Variants in DNAH6 observed in about 807,000 individuals in gnomAD.
DNAH6 encodes the protein axonemal beta dynein heavy chain 6.
In DNAH6, 340 loss-of-function variants were observed where a neutral mutation model predicts 491.4. That is an observed-to-expected ratio of 0.69 (90% confidence interval 0.63 to 0.76). The LOEUF is 0.76. Ranked by LOEUF, DNAH6 falls within the 30% of genes least tolerant of loss-of-function variation. The probability of loss-of-function intolerance (pLI) is 0.00; values close to 1 mark genes in which losing one functional copy is unlikely to be tolerated. For synonymous variants in DNAH6, 1,603 were observed against 1,686.1 expected (o/e 0.95, Z 1.21); for missense variants, 4,443 against 4,972.2 (o/e 0.89, Z 3.20).
chr2:84,646,504 A>T lies in DNAH6; in HGVS notation c.5078+4450A>T, dbSNP rs115739400. Among the ~76,000 whole-genome samples the T allele has an allele frequency of 5.3e-3, 807 of 152,344 alleles. 9 individuals carry two copies. The highest frequency in any genetic ancestry group is 0.018 in the African/African-American group (768 of 41,582). ...CTGAAAGCTAGGCCTCTTGTGCCAA[A>T]TAGCCTAATTGTGAATGCAAAGGAA... On this transcript the variant is annotated intron_variant, in intron 33 of 76. Transcript: ENST00000389394.
At chr2:84,742,890 T>G (rs1672651638) in intron 62 of DNAH6, among the ~76,000 whole-genome samples, 1 of 152,208 alleles carries the variant, frequency 6.6e-6, no homozygotes. Flanking sequence ...TAACCAGAAT[T>G]TCTAAGATCC....
intron 19 of DNAH6, 126 bp downstream of exon 19, chr2:84,604,677 C>G: frequency 8.5e-6 from 6 of 702,754 alleles, no homozygotes; most frequent in Non-Finnish European, 9.3e-6. Context: ...TCAGTCATCC[C>G]TCTGTTGTTT....
In DNAH6 at chr2:84,694,554, G is replaced by A; in HGVS notation, c.7524+74G>A. On this transcript the variant is annotated intron_variant, in intron 46 of 76. Transcript: ENST00000389394. ...TACAATCGGGTGTGTGCTTTGAACA[G>A]TTTGTAGGATGAAGTTCAAGGGGAT... The A allele has an allele frequency of 2.7e-6, 3 of 1,111,210 alleles. No individual in the cohort carries two copies. The Admixed American group carries it at 6.3e-5, about 23-fold the overall frequency. 68.8% of individuals were successfully genotyped at this position (1,111,210 alleles called of 1,614,324 possible).
intron 70 of DNAH6, among the ~76,000 whole-genome samples, chr2:84,804,596 C>T (rs116532699): frequency 0.029 from 4,405 of 150,912 alleles, 93 homozygotes; most frequent in Non-Finnish European, 0.043. Flanking sequence ...TGTAATAAGC[C>T]GTATTTTTCT....
intron 18 of DNAH6, among the ~76,000 whole-genome samples, chr2:84,598,402 A>G (rs11126969): frequency 0.027 from 4,164 of 152,214 alleles, 181 homozygotes; most frequent in African/African-American, 0.095. Flanking sequence ...CACCTGGTGA[A>G]AGATATCTGA....
chr2:84,614,267 G>A (rs896303741), intron 22 of DNAH6, among the ~76,000 whole-genome samples: 7 of 152,104 alleles, frequency 4.6e-5, no homozygotes, highest in Non-Finnish European at 1.0e-4. Context: ...TCCCACTTAT[G>A]AGTGAGAACA....
intron 18 of DNAH6, among the ~76,000 whole-genome samples, chr2:84,598,171 C>CTTTCTTTCT (rs1426577326): frequency 1.3e-5 from 1 of 74,676 alleles, no homozygotes; most frequent in Non-Finnish European, 3.3e-5. Context: ...TTCTTTCTTT[C>CTTTCTTTCT]TTTCTTTCTC....
chr2:84,653,009 A>C (rs543547141), intron 33 of DNAH6, among the ~76,000 whole-genome samples: 1 of 151,984 alleles, frequency 6.6e-6, no homozygotes, highest in African/African-American at 2.4e-5. Flanking sequence ...ATCACCTTCT[A>C]TATGTTTGGT....
intron 11 of DNAH6, among the ~76,000 whole-genome samples, chr2:84,572,741 T>C (rs1196190338): frequency 1.3e-5 from 2 of 152,198 alleles, no homozygotes; most frequent in Non-Finnish European, 2.9e-5. Flanking sequence ...TTGCAGACTT[T>C]TACAAGTCTT....
At chr2:84,788,635 G>A (rs1677448792) in intron 68 of DNAH6, among the ~76,000 whole-genome samples, 1 of 152,222 alleles carries the variant, frequency 6.6e-6, no homozygotes. Context: ...TGACTTGGCA[G>A]TGGTGACCAT....
intron 16 of DNAH6, among the ~76,000 whole-genome samples, chr2:84,592,059 C>A (rs1356545001): frequency 1.3e-5 from 2 of 152,090 alleles, no homozygotes; most frequent in South Asian, 4.2e-4. Context: ...ACACCAAAAA[C>A]CAATGTAACA....
chr2:84,551,057 T>C (rs1241873635), intron 9 of DNAH6, among the ~76,000 whole-genome samples: 4 of 152,174 alleles, frequency 2.6e-5, no homozygotes, highest in African/African-American at 9.7e-5. Context: ...ATAGCTTCTT[T>C]CCAGAATACC....
intron 4 of DNAH6, among the ~76,000 whole-genome samples, chr2:84,538,321 T>C (rs1243724138): frequency 2.0e-5 from 3 of 152,184 alleles, no homozygotes; most frequent in Non-Finnish European, 4.4e-5. Flanking sequence ...AATTGAGGTA[T>C]AGATTAAAGA....
intron 57 of DNAH6, among the ~76,000 whole-genome samples, chr2:84,713,679 T>C (rs190178899): frequency 3.3e-5 from 5 of 152,312 alleles, no homozygotes; most frequent in African/African-American, 1.2e-4. Context: ...CAGAGCTTAG[T>C]TGAGAGTCCA....
intron 1 of DNAH6, among the ~76,000 whole-genome samples, chr2:84,517,125 A>G (rs908355754): frequency 6.6e-6 from 1 of 152,212 alleles, no homozygotes; most frequent in Non-Finnish European, 1.5e-5. Context: ...ACCTGATTCA[A>G]GACCTCTTGT....
chr2:84,661,542 A>G (rs1184136582), intron 37 of DNAH6, among the ~76,000 whole-genome samples: 1 of 152,188 alleles, frequency 6.6e-6, no homozygotes, highest in Non-Finnish European at 1.5e-5. Context: ...AAAGAATACC[A>G]TTTATATAAG....
At chr2:84,668,867 A>G (rs1692444999) in intron 37 of DNAH6, among the ~76,000 whole-genome samples, 1 of 140,812 alleles carries the variant, frequency 7.1e-6, no homozygotes, top group South Asian at 2.2e-4. Flanking sequence ...TATGATTGTA[A>G]TAAACTCCTT....
chr2:84,721,258 C>CT (rs796627362), intron 59 of DNAH6, among the ~76,000 whole-genome samples: 6 of 151,734 alleles, frequency 4.0e-5, no homozygotes, highest in South Asian at 2.1e-4. Flanking sequence ...CCCATATCAA[C>CT]TTTTTTTTTC....
At position 84,653,800 on chromosome 2, in the gene DNAH6, G is replaced by C. The variant is rs1558859489; in HGVS notation, c.5560G>C (p.Asp1854His). 3.2e-6 allele frequency: 5 copies of C among 1,551,392 alleles called. No individual in the cohort carries two copies. Among genetic ancestry groups the C allele is most frequent in the Non-Finnish European group, 4.4e-6 (5 of 1,146,736 alleles). Reference sequence around the variant, plus strand: ...GATTGAAAACATGAATACAGTGCTGGATGATAACAAGATGCTTTGCCTGGC... The same window carrying C: ...GATTGAAAACATGAATACAGTGCTGCATGATAACAAGATGCTTTGCCTGGC... ...LWIENMNTVL[D>H]DNKMLCLANS... The change falls in exon 34 of 77, where the codon GAT becomes CAT. Residue 1854 changes from aspartate to histidine, a missense_variant. Physicochemically the swap from Asp to His is moderately conservative, Grantham distance 81. This residue lies in a region of DNAH6 where 2,977 missense variants were observed against 3,296.6 expected (regional missense o/e 0.90). Coordinates refer to ENST00000389394, the MANE Select transcript of DNAH6 (RefSeq NM_001370.2).
Sources: allele counts gnomAD v4.1 joint callset (sites outside exome capture counted in the v4.1 genomes callset), GRCh38; gene constraint gnomAD v4.1.1; regional missense constraint gnomAD v4.1.1; transcripts MANE v1.5; gene names NCBI Gene and HGNC (gene_info 2026-07-23, HGNC 2026-07-21).